Variants in FAM135A observed in about 807,000 individuals in gnomAD.
FAM135A encodes family with sequence similarity 135 member A.
A neutral mutation model predicts 146.8 loss-of-function variants in FAM135A; 79 were observed. The ratio of observed to expected loss-of-function variants is 0.54; its 90% CI spans 0.45 to 0.65. The LOEUF is 0.65. FAM135A is among the 30% of genes least tolerant of loss of function. FAM135A has a pLI of 0.00. For missense variants in FAM135A, 1,623 were observed against 1,758.2 expected (o/e 0.92, Z 1.38); for synonymous variants, 562 against 603.6 (o/e 0.93, Z 1.01).
In FAM135A at chr6:70,526,328, G is replaced by A. The variant is rs143675342; in HGVS notation, c.3244G>A (p.Asp1082Asn). Reference protein sequence around the residue: ...KEISNLQQEQDKEDEEEEQDQ... With the variant: ...KEISNLQQEQNKEDEEEEQDQ... ...AATTAGTAATCTTCAGCAGGAACAG[G>A]ATAAAGAGGATGAGGAGGAAGAGCA... The change falls in exon 15 of 22, where the codon GAT (aspartate) becomes AAT (asparagine). Residue 1082 changes from aspartate (D) to asparagine (N), a missense_variant. Asp to Asn is a conservative substitution (Grantham distance 23). This residue lies in a region of FAM135A where 1,061 missense variants were observed against 1,113.8 expected (regional missense o/e 0.95). Transcript: ENST00000418814. 1.9e-6 allele frequency: 3 copies of A among 1,613,356 alleles called. No individual in the cohort carries two copies. Among genetic ancestry groups the A allele is most frequent in the Non-Finnish European group, 2.5e-6 (3 of 1,179,610 alleles).
At chr6:70,433,381 TACTTTTTA>T (rs1772172743) in intron 4 of FAM135A, among the ~76,000 whole-genome samples, 1 of 152,118 alleles carries the variant, frequency 6.6e-6, no homozygotes, top group African/African-American at 2.4e-5. Context: ...GCCTTCAAGA[TACTTTTTA>T]ACATGAAAGG....
intron 15 of FAM135A, among the ~76,000 whole-genome samples, chr6:70,527,763 C>T (rs1421250576): frequency 6.6e-6 from 1 of 152,124 alleles, no homozygotes; most frequent in Non-Finnish European, 1.5e-5. Flanking sequence ...CAGTCACATT[C>T]CCCTCTTCGT....
Position 70,524,390 on chromosome 6 carries a change from T to C in FAM135A, c.1306T>C (p.Ser436Pro), listed in dbSNP as rs1391355990. ...AATTCAGAATCTTCAGAGATCAGAG[T>C]CCAGTAAAATGGATAAATATGAGAC... Reference protein sequence around the residue: ...MGIQNLQRSESSKMDKYETEE... With the variant: ...MGIQNLQRSEPSKMDKYETEE... Residue 436 changes from serine (S) to proline (P), a missense_variant, in exon 15 of 22, where the codon TCC becomes CCC. Ser to Pro is a moderately conservative substitution (Grantham distance 74, BLOSUM62 -1). Coordinates refer to ENST00000418814, the MANE Select transcript of FAM135A (RefSeq NM_001162529.3). The C allele has an allele frequency of 6.6e-7, 1 of 1,514,886 alleles. No individual in the cohort carries two copies. Among genetic ancestry groups the C allele is most frequent in the African/African-American group, 1.4e-5 (1 of 70,652 alleles). The allele number at this position is 1,514,886 out of a possible 1,614,324, so 93.8% of individuals were successfully genotyped here.
intron 10 of FAM135A, among the ~76,000 whole-genome samples, chr6:70,482,980 A>G (rs895876459): frequency 1.3e-5 from 2 of 152,088 alleles, no homozygotes; most frequent in Non-Finnish European, 2.9e-5. Flanking sequence ...TTGAATCTGT[A>G]TTCTTACTTT....
chr6:70,433,042 G>A (rs1296602996), intron 4 of FAM135A, among the ~76,000 whole-genome samples: 1 of 151,318 alleles, frequency 6.6e-6, no homozygotes, highest in Non-Finnish European at 1.5e-5. Context: ...TGTTATGCTA[G>A]GATGTCCGTA....
In FAM135A at chr6:70,526,488, G is replaced by A. The variant is rs753451806; in HGVS notation, c.3404G>A (p.Ser1135Asn). Reference sequence around the variant, plus strand: ...CTTACAAAATCTGAAAAAATAAACAGTGACTATCTGAGAGATGGTATAAAC... The same window carrying A: ...CTTACAAAATCTGAAAAAATAAACAATGACTATCTGAGAGATGGTATAAAC... ...ERLTKSEKINSDYLRDGINMP... is the reference protein window; with the variant it reads ...ERLTKSEKINNDYLRDGINMP... Residue 1135 changes from serine (S) to asparagine (N), a missense_variant, in exon 15 of 22, where the codon AGT (serine) becomes AAT (asparagine). Coordinates refer to ENST00000418814, the MANE Select transcript of FAM135A (RefSeq NM_001162529.3). 6.2e-7 allele frequency: 1 copy of A among 1,613,358 alleles called. No homozygotes were observed. Among genetic ancestry groups the A allele is most frequent in the African/African-American group, 1.3e-5 (1 of 74,828 alleles).
chr6:70,508,710 C>G (rs1253045728), intron 12 of FAM135A, among the ~76,000 whole-genome samples: 1 of 152,036 alleles, frequency 6.6e-6, no homozygotes, highest in Non-Finnish European at 1.5e-5. Context: ...TTCTATCATA[C>G]AAAATATTTA....
chr6:70,525,717 A>T lies in FAM135A; in HGVS notation c.2633A>T (p.Asp878Val). 6.2e-7 allele frequency: 1 copy of T among 1,613,026 alleles called. No individual in the cohort carries two copies. Among genetic ancestry groups the T allele is most frequent in the Non-Finnish European group, 8.5e-7 (1 of 1,179,562 alleles). Residue 878 changes from aspartate to valine, a missense_variant, in exon 15 of 22, where the codon GAT (aspartate) becomes GTT (valine). Physicochemically the swap from Asp to Val is radical, Grantham distance 152 (BLOSUM62 -3). Transcript: ENST00000418814. The stretch of plus-strand genomic sequence containing the variant: ...ACTGTATTAAATCTAGGAACGACTG[A>T]TTTGCCAAAATGTGATGATACTAAA... ...SKTVLNLGTT[D>V]LPKCDDTKKS... is the part of the protein sequence containing the mutation.
chr6:70,454,586 A>G (rs922768020), intron 5 of FAM135A, among the ~76,000 whole-genome samples: 10 of 152,184 alleles, frequency 6.6e-5, no homozygotes, highest in African/African-American at 2.4e-4. Flanking sequence ...ATTTTCATAT[A>G]AGGTGTAAGG....
intron 10 of FAM135A, among the ~76,000 whole-genome samples, chr6:70,483,710 C>T (rs1214532728): frequency 6.6e-6 from 1 of 152,080 alleles, no homozygotes; most frequent in African/African-American, 2.4e-5. Flanking sequence ...ATTATACTAA[C>T]ATATTAATGA....
chr6:70,525,294 CT>C lies in FAM135A; in HGVS notation c.2211del (p.Ala738ProfsTer10). ...ESLTKLRSNL[P>X]APSTKEYHVV... ...TTAACTAAATTACGAAGTAATCTAC[CT>C]GCCCCTTCTACAAAAGAATATCATG... On this transcript the variant is annotated frameshift_variant, in exon 15 of 22. Transcript: ENST00000418814. LOFTEE classifies it high-confidence loss of function. The C allele has an allele frequency of 6.2e-7, 1 of 1,607,516 alleles. No homozygotes were observed. Among genetic ancestry groups the C allele is most frequent in the Non-Finnish European group, 8.5e-7 (1 of 1,177,248 alleles).
intron 10 of FAM135A, 22 bp from the exon 11 acceptor site, chr6:70,491,012 C>T (rs1463108904): frequency 3.9e-6 from 6 of 1,544,072 alleles, no homozygotes; most frequent in Admixed American, 2.0e-5. Context: ...GGAATATTTC[C>T]TCTACTCTTT....
chr6:70,537,788 A>G (rs1053238758), intron 19 of FAM135A, among the ~76,000 whole-genome samples: 4 of 152,210 alleles, frequency 2.6e-5, no homozygotes, highest in Non-Finnish European at 4.4e-5. Flanking sequence ...ATAAAAAAAT[A>G]ATTAATATAA....
intron 5 of FAM135A, among the ~76,000 whole-genome samples, chr6:70,464,658 C>CTTTCTTTTTTTTT (rs1460241786): frequency 2.0e-5 from 2 of 100,454 alleles, no homozygotes; most frequent in African/African-American, 3.8e-5. Context: ...TTCTTTCTTT[C>CTTTCTTTTTTTTT]TTTTTTTTCT....
chr6:70,431,547 A>G (rs1771632315), intron 4 of FAM135A, among the ~76,000 whole-genome samples: 1 of 152,210 alleles, frequency 6.6e-6, no homozygotes, highest in Non-Finnish European at 1.5e-5. Flanking sequence ...ACCACAAGAT[A>G]CTGGCCAAAG....
At chr6:70,537,039 G>A (rs1582829159) in intron 19 of FAM135A, among the ~76,000 whole-genome samples, 1 of 151,012 alleles carries the variant, frequency 6.6e-6, no homozygotes, top group African/African-American at 2.4e-5. Context: ...TGGTTCAAGC[G>A]ATTCTCCTGC....
intron 2 of FAM135A, among the ~76,000 whole-genome samples, chr6:70,426,056 T>C (rs1770031145): frequency 6.6e-6 from 1 of 151,560 alleles, no homozygotes; most frequent in Admixed American, 6.6e-5. Context: ...TGAGCCGAGA[T>C]TGCGCCACTG....
intron 20 of FAM135A, among the ~76,000 whole-genome samples, chr6:70,545,084 A>C (rs201475626): frequency 1.3e-5 from 2 of 151,996 alleles, no homozygotes; most frequent in African/African-American, 4.8e-5. Context: ...AACAAACAAA[A>C]AAAACCACGA....
intron 20 of FAM135A, among the ~76,000 whole-genome samples, chr6:70,545,417 A>G (rs987789512): frequency 6.6e-6 from 1 of 152,114 alleles, no homozygotes. Context: ...GCTTGAGACC[A>G]GTCTGGCCAA....
Sources: allele counts gnomAD v4.1 joint callset (sites outside exome capture counted in the v4.1 genomes callset), GRCh38; gene constraint gnomAD v4.1.1; regional missense constraint gnomAD v4.1.1; transcripts MANE v1.5; gene names NCBI Gene and HGNC (gene_info 2026-07-23, HGNC 2026-07-21).